Variants in PALM2AKAP2 observed in about 807,000 individuals in gnomAD.
PALM2AKAP2 encodes PALM2-AKAP2 fusion protein.
Under a neutral mutation model 71.5 loss-of-function variants are expected in PALM2AKAP2, and 37 were observed. The observed-to-expected ratio is 0.52, with a 90% CI of 0.40 to 0.68. PALM2AKAP2 has a LOEUF of 0.68. PALM2AKAP2 is among the 30% of genes least tolerant of loss of function. PALM2AKAP2 has a pLI of 0.00. For synonymous variants in PALM2AKAP2, 468 were observed against 478.8 expected, an observed-to-expected ratio of 0.98 and a Z score of 0.29; for missense variants, 1,224 against 1,191.8, an observed-to-expected ratio of 1.03 and a Z score of -0.40.
chr9:109,797,615 C>T (rs975575811), intron 1 of PALM2AKAP2, among the ~76,000 whole-genome samples: 10 of 152,236 alleles, frequency 6.6e-5, no homozygotes, highest in African/African-American at 2.4e-4. Context: ...TCAAGCAGCT[C>T]TGCAGAAGCC....
At chr9:109,802,949 G>A (rs1290371174) in intron 1 of PALM2AKAP2, among the ~76,000 whole-genome samples, 1 of 146,202 alleles carries the variant, frequency 6.8e-6, no homozygotes, top group Non-Finnish European at 1.6e-5. Context: ...AGGAATCCGG[G>A]TCTTTTTAAC....
At chr9:110,163,331 A>G (rs1390752932) in intron 3 of PALM2AKAP2, among the ~76,000 whole-genome samples, 1 of 152,208 alleles carries the variant, frequency 6.6e-6, no homozygotes, top group African/African-American at 2.4e-5. Flanking sequence ...TCCTGATATC[A>G]TGGAACTGGC....
intron 6 of PALM2AKAP2, among the ~76,000 whole-genome samples, chr9:109,951,361 A>C (rs1831636980): frequency 6.6e-6 from 1 of 152,238 alleles, no homozygotes; most frequent in Non-Finnish European, 1.5e-5. Flanking sequence ...GAAAAACAAA[A>C]TAAAAACCGA....
intron 7 of PALM2AKAP2, among the ~76,000 whole-genome samples, chr9:110,017,889 G>A (rs529110285): frequency 3.9e-5 from 6 of 152,102 alleles, no homozygotes; most frequent in South Asian, 2.1e-4. Context: ...CACAATGCCC[G>A]GCTAGTTTTT....
chr9:110,038,978 C>T (rs573745414), intron 7 of PALM2AKAP2, among the ~76,000 whole-genome samples: 6 of 135,854 alleles, frequency 4.4e-5, no homozygotes, highest in African/African-American at 1.1e-4. Flanking sequence ...ACACTAATAA[C>T]GTTGGCCTGG....
intron 2 of PALM2AKAP2, among the ~76,000 whole-genome samples, chr9:109,871,004 C>T (rs1432644163): frequency 6.6e-6 from 1 of 152,052 alleles, no homozygotes; most frequent in East Asian, 1.9e-4. Flanking sequence ...TTATATAATT[C>T]TCATATTCTA....
intron 1 of PALM2AKAP2, among the ~76,000 whole-genome samples, chr9:109,811,780 T>C (rs1827733488): frequency 6.6e-6 from 1 of 152,184 alleles, no homozygotes; most frequent in Non-Finnish European, 1.5e-5. Context: ...GCTATGTTGC[T>C]GAAGCTGGTC....
intron 6 of PALM2AKAP2, among the ~76,000 whole-genome samples, chr9:110,007,360 G>T (rs564607440): frequency 3.9e-5 from 6 of 152,188 alleles, no homozygotes; most frequent in Admixed American, 6.5e-5. Flanking sequence ...ACAGTATGAG[G>T]ATGACTGTTC....
intron 6 of PALM2AKAP2, among the ~76,000 whole-genome samples, chr9:110,000,782 CA>C (rs1252558008): frequency 6.6e-6 from 1 of 152,162 alleles, no homozygotes; most frequent in African/African-American, 2.4e-5. Context: ...AGCATTTTTT[CA>C]TGTGTCTTTT....
At chr9:109,836,974 A>T (rs1020012087) in intron 1 of PALM2AKAP2, among the ~76,000 whole-genome samples, 7 of 152,238 alleles carry the variant, frequency 4.6e-5, no homozygotes, top group African/African-American at 1.7e-4. Flanking sequence ...TATCCAGGAG[A>T]ACTTCCCCAA....
At chr9:109,764,111 A>G (rs986676219) in intron 1 of PALM2AKAP2, among the ~76,000 whole-genome samples, 1 of 152,106 alleles carries the variant, frequency 6.6e-6, no homozygotes, top group African/African-American at 2.4e-5. Flanking sequence ...TCTCTTGACT[A>G]TACTCTTATA....
intron 1 of PALM2AKAP2, among the ~76,000 whole-genome samples, chr9:109,814,356 T>C (rs548171460): frequency 6.6e-6 from 1 of 152,324 alleles, no homozygotes; most frequent in South Asian, 2.1e-4. Flanking sequence ...GAAGAAAATC[T>C]AGAGCCATCA....
At chr9:109,701,738 A>G (rs1828063243) in intron 1 of PALM2AKAP2, among the ~76,000 whole-genome samples, 1 of 152,256 alleles carries the variant, frequency 6.6e-6, no homozygotes, top group Non-Finnish European at 1.5e-5. Flanking sequence ...GCCAAAATTG[A>G]CAAATGGGAT....
At chr9:110,057,954 G>A (rs1046459044) in intron 1 of PALM2AKAP2, among the ~76,000 whole-genome samples, 1 of 152,160 alleles carries the variant, frequency 6.6e-6, no homozygotes, top group African/African-American at 2.4e-5. Context: ...GACTGGACCC[G>A]AAACATTGGT....
chr9:110,012,705 T>C (rs1832906736), intron 6 of PALM2AKAP2, among the ~76,000 whole-genome samples: 1 of 152,250 alleles, frequency 6.6e-6, no homozygotes, highest in African/African-American at 2.4e-5. Flanking sequence ...GTTTTCTTGA[T>C]GGAAGACTAA....
chr9:109,771,501 A>C (rs1394429843), intron 1 of PALM2AKAP2, among the ~76,000 whole-genome samples: 2 of 152,216 alleles, frequency 1.3e-5, no homozygotes, highest in Non-Finnish European at 2.9e-5. Context: ...GCCTAAAACA[A>C]AGGAGAACCA....
rs16914601 is a variant in PALM2AKAP2 at position 109,903,433 on chromosome 9, C to T, written c.258-20302C>T. 3.7e-3 allele frequency among the ~76,000 whole-genome samples: 568 copies of T among 152,280 alleles called. 2 individuals are homozygous for T. The highest frequency in any genetic ancestry group is 0.013 in the African/African-American group (532 of 41,548). On this transcript the variant is annotated intron_variant, in intron 3 of 9. Coordinates refer to the PALM2AKAP2 transcript ENST00000302798. ...TGATGATCTCAATGAAGATGGTTCA[C>T]ATAGGCCCACTACTTCTAGAAGGCC... is the stretch of plus-strand genomic sequence containing the variant.
At chr9:110,076,855 G>A (rs1320015574) in intron 1 of PALM2AKAP2, among the ~76,000 whole-genome samples, 8 of 152,142 alleles carry the variant, frequency 5.3e-5, no homozygotes. Context: ...TAACATTACA[G>A]TATCACTGCT....
chr9:109,691,907 CACACATATATATATAT>C (rs1189643061), intron 1 of PALM2AKAP2, among the ~76,000 whole-genome samples: 724 of 69,418 alleles, frequency 0.01, 7 homozygotes, highest in African/African-American at 0.046. Flanking sequence ...TATATACACA[CACACATATATATATAT>C]ACACATATAT....
Sources: gnomAD v4.1 joint callset for allele counts (sites outside exome capture counted in the v4.1 genomes callset) on GRCh38, gnomAD v4.1.1 for gene constraint, MANE v1.5 for transcripts, NCBI Gene and HGNC (gene_info 2026-07-23, HGNC 2026-07-21) for gene names.